PMEPA1: variants seen among roughly 807,000 people sequenced by gnomAD.
The protein encoded by PMEPA1 is protein TMEPAI.
Under a neutral mutation model 23.0 loss-of-function variants are expected in PMEPA1, and 11 were observed. The ratio of observed to expected loss-of-function variants is 0.48; its 90% CI spans 0.30 to 0.79. The LOEUF is 0.79. Among genes scored for constraint, PMEPA1 ranks in the 30% least tolerant of loss-of-function variants. PMEPA1 has a pLI of 0.06. For synonymous variants in PMEPA1, 204 were observed against 166.4 expected, an observed-to-expected ratio of 1.23 and a Z score of -1.74; for missense variants, 377 against 390.9, an observed-to-expected ratio of 0.96 and a Z score of 0.30.
At chr20:57,675,457 C>T (rs1327817467) in intron 1 of PMEPA1, among the ~76,000 whole-genome samples, 2 of 152,266 alleles carry the variant, frequency 1.3e-5, no homozygotes, top group African/African-American at 4.8e-5. Context: ...CACGTGCCCC[C>T]CAACCATGCC....
At chr20:57,659,969 A>G (rs2071390552) in intron 1 of PMEPA1, among the ~76,000 whole-genome samples, 1 of 152,138 alleles carries the variant, frequency 6.6e-6, no homozygotes, top group Non-Finnish European at 1.5e-5. Flanking sequence ...CTCTGTAGGG[A>G]CTGACCGGAA....
At chr20:57,707,354 T>C (rs2072103662) in intron 1 of PMEPA1, among the ~76,000 whole-genome samples, 1 of 152,242 alleles carries the variant, frequency 6.6e-6, no homozygotes, top group African/African-American at 2.4e-5. Context: ...TGTTACAGTA[T>C]ACCTGCATTT....
In PMEPA1 at chr20:57,652,337, T is replaced by G. The variant is rs1288219560; in HGVS notation, c.580A>C (p.Ser194Arg). 6.2e-7 allele frequency: 1 copy of G among 1,612,718 alleles called. No individual in the cohort carries two copies. Among genetic ancestry groups the G allele is most frequent in the Non-Finnish European group, 8.5e-7 (1 of 1,179,856 alleles). ...AGCCTGGCACTATCCATCAGGTCAC[T>G]GTCGAAGATGGTTCTGTTTGGGGGT... ...RAPPNRTIFD[S>R]DLMDSARLGG... The change falls in exon 4 of 4, where the codon AGT (serine) becomes CGT (arginine). Residue 194 changes from serine to arginine, a missense_variant. This residue lies in a region of PMEPA1 where 176 missense variants were observed against 173.0 expected (regional missense o/e 1.02). Transcript: ENST00000341744. The surrounding 1 kb of genome is among the most constrained non-coding windows in gnomAD (Gnocchi z 6.1).
At chr20:57,663,891 C>T (rs2071456786) in intron 1 of PMEPA1, among the ~76,000 whole-genome samples, 1 of 152,216 alleles carries the variant, frequency 6.6e-6, no homozygotes, top group Admixed American at 6.5e-5. Flanking sequence ...TCAAGCCCCA[C>T]CGGCGCGGAT....
chr20:57,654,888 T>TGCCCTTCCCCAGG (rs2071304936), intron 2 of PMEPA1, among the ~76,000 whole-genome samples: 1 of 152,082 alleles, frequency 6.6e-6, no homozygotes, highest in Non-Finnish European at 1.5e-5. Context: ...CCTCCACTCT[T>TGCCCTTCCCCAGG]GCCCTTCCCC....
chr20:57,680,069 T>TG (rs986168858), intron 1 of PMEPA1, among the ~76,000 whole-genome samples: 2 of 152,162 alleles, frequency 1.3e-5, no homozygotes, highest in African/African-American at 4.8e-5. Context: ...GCTTGTGGCA[T>TG]GGAGTCTGGC....
intron 1 of PMEPA1, among the ~76,000 whole-genome samples, chr20:57,689,274 C>T (rs1344443813): frequency 6.6e-6 from 1 of 152,210 alleles, no homozygotes; most frequent in East Asian, 1.9e-4. Context: ...GGCCCAAATC[C>T]CACTTTCTGG....
chr20:57,676,680 C>T (rs553799750), intron 1 of PMEPA1, among the ~76,000 whole-genome samples: 1 of 152,210 alleles, frequency 6.6e-6, no homozygotes, highest in Non-Finnish European at 1.5e-5. Flanking sequence ...AGCTCTCCTG[C>T]CCTCGAGGGG....
intron 1 of PMEPA1, among the ~76,000 whole-genome samples, chr20:57,690,114 C>T (rs1040258283): frequency 6.6e-6 from 1 of 152,282 alleles, no homozygotes; most frequent in Non-Finnish European, 1.5e-5. Context: ...GCAGAGCCAG[C>T]CAGATCTAAC....
chr20:57,676,558 A>G (rs2071639509), intron 1 of PMEPA1, among the ~76,000 whole-genome samples: 1 of 152,222 alleles, frequency 6.6e-6, no homozygotes, highest in South Asian at 2.1e-4. Flanking sequence ...AAGAGGAAGA[A>G]AGAGAAATGG....
intron 2 of PMEPA1, among the ~76,000 whole-genome samples, chr20:57,654,334 G>A (rs887354277): frequency 1.3e-5 from 2 of 152,182 alleles, no homozygotes; most frequent in African/African-American, 4.8e-5. Context: ...TCAAGATAAT[G>A]AGTATGTCCA....
chr20:57,665,412 A>T (rs985634728), intron 1 of PMEPA1, among the ~76,000 whole-genome samples: 1 of 149,318 alleles, frequency 6.7e-6, no homozygotes, highest in Non-Finnish European at 1.5e-5. Context: ...GAATCTGAGG[A>T]TGTGGTTCTG....
chr20:57,671,492 G>A (rs1451347115), intron 1 of PMEPA1, among the ~76,000 whole-genome samples: 1 of 152,046 alleles, frequency 6.6e-6, no homozygotes, highest in African/African-American at 2.4e-5. Context: ...ATCATATCCA[G>A]TGGAAAAATT....
chr20:57,696,561 C>A (rs900205552), intron 1 of PMEPA1, among the ~76,000 whole-genome samples: 1 of 152,182 alleles, frequency 6.6e-6, no homozygotes, highest in Non-Finnish European at 1.5e-5. Flanking sequence ...TCAGTGAGCA[C>A]CTGCCACTGT....
chr20:57,663,287 G>A (rs6092515), intron 1 of PMEPA1, among the ~76,000 whole-genome samples: 3,257 of 152,236 alleles, frequency 0.021, 99 homozygotes, highest in African/African-American at 0.067. Context: ...CCGAGACTAC[G>A]GCTCAGGAGC....
chr20:57,708,226 C>T lies in PMEPA1; in HGVS notation c.109+1248G>A, dbSNP rs991533734. Among the ~76,000 whole-genome samples the T allele has an allele frequency of 2.6e-5, 4 of 152,368 alleles. No homozygotes were observed. The East Asian group carries it at 7.7e-4, about 29-fold the overall frequency. ...AGCGGCTGCTTCTCAGCTCCGGGCC[C>T]CAGCTAGGGGCAGCCTGGCCCCCAG... On this transcript the variant is annotated intron_variant, in intron 1 of 3. Coordinates refer to ENST00000341744, the MANE Select transcript of PMEPA1 (RefSeq NM_020182.5).
rs981241879 is a variant in PMEPA1 at position 57,651,482 on chromosome 20, G to A, written c.*571C>T. ...ATAAATAACTCTAAACCCCTGCTTT[G>A]TAATTTTTTTCTTTACAAGGTAATA... On this transcript the variant is annotated 3_prime_UTR_variant, in exon 4 of 4. Coordinates refer to ENST00000341744, the MANE Select transcript of PMEPA1 (RefSeq NM_020182.5). The A allele has an allele frequency of 2.0e-5, 3 of 152,518 alleles. No homozygotes were observed. Among genetic ancestry groups the A allele is most frequent in the Non-Finnish European group, 2.9e-5 (2 of 68,012 alleles). 9.4% of individuals were successfully genotyped at this position (152,518 alleles called of 1,614,324 possible).
upstream of PMEPA1, chr20:57,710,675 A>G (rs1392769079): frequency 1.9e-6 from 1 of 517,028 alleles, no homozygotes; most frequent in Admixed American, 3.7e-5. Flanking sequence ...CCTGGGGCGA[A>G]TCCACACCCA....
chr20:57,653,793 C>T (rs563258793), intron 2 of PMEPA1, among the ~76,000 whole-genome samples: 1 of 152,348 alleles, frequency 6.6e-6, no homozygotes, highest in Admixed American at 6.5e-5. Context: ...CCTGCAGACC[C>T]TTGGAGACCA....
Sources: allele counts gnomAD v4.1 joint callset (sites outside exome capture counted in the v4.1 genomes callset), GRCh38; gene constraint gnomAD v4.1.1; regional missense constraint gnomAD v4.1.1; non-coding constraint Gnocchi (gnomAD v3.1); transcripts MANE v1.5; gene names NCBI Gene and HGNC (gene_info 2026-07-23, HGNC 2026-07-21).